Variants in FRY observed in about 807,000 individuals in gnomAD.
FRY encodes protein furry homolog.
FRY carries 128 observed loss-of-function variants against 348.4 expected under a neutral mutation model. That is an observed-to-expected ratio of 0.37 (90% confidence interval 0.32 to 0.43). The LOEUF is 0.43. FRY is among the 20% of genes least tolerant of loss of function. The pLI, the probability that FRY is intolerant of heterozygous loss-of-function variation, is 1.00. For synonymous variants in FRY, 1,370 were observed against 1,374.7 expected (o/e 1.00, Z 0.08); for missense variants, 2,736 against 3,695.2 (o/e 0.74, Z 6.73).
chr13:32,072,107 T>G (rs1874697618), intron 1 of FRY, among the ~76,000 whole-genome samples: 1 of 152,166 alleles, frequency 6.6e-6, no homozygotes, highest in Admixed American at 6.5e-5. Context: ...TTAAAGATAC[T>G]AATTCGTCTG....
intron 33 of FRY, among the ~76,000 whole-genome samples, chr13:32,210,457 A>G (rs798994): frequency 0.41 from 61,859 of 152,044 alleles, 12,783 homozygotes; most frequent in Admixed American, 0.43. Context: ...GCTAAAACTC[A>G]TTTGTTTCTT....
At chr13:32,216,270 C>A (rs1293187774) in intron 35 of FRY, among the ~76,000 whole-genome samples, 1 of 152,114 alleles carries the variant, frequency 6.6e-6, no homozygotes, top group Non-Finnish European at 1.5e-5. Flanking sequence ...CCCAGAAAAG[C>A]AAAGGAAAAT....
intron 41 of FRY, among the ~76,000 whole-genome samples, 156 bp downstream of exon 41, chr13:32,231,456 G>A (rs772718880): frequency 6.6e-6 from 1 of 152,188 alleles, no homozygotes; most frequent in Non-Finnish European, 1.5e-5. Context: ...TTCAGATGCT[G>A]CCTAACTGCA....
intron 11 of FRY, among the ~76,000 whole-genome samples, chr13:32,140,182 T>G (rs559733053): frequency 6.6e-6 from 1 of 152,244 alleles, no homozygotes; most frequent in South Asian, 2.1e-4. Flanking sequence ...TGGAGATACA[T>G]TATGAGCAGG....
chr13:32,200,600 A>G (rs1376786688), intron 29 of FRY, among the ~76,000 whole-genome samples: 2 of 152,196 alleles, frequency 1.3e-5, no homozygotes, highest in Middle Eastern at 3.2e-3. Context: ...TAAAAAAGAG[A>G]GAGAAGAAAA....
At chr13:32,109,923 G>A (rs1045839730) in intron 3 of FRY, among the ~76,000 whole-genome samples, 1 of 152,166 alleles carries the variant, frequency 6.6e-6, no homozygotes, top group Non-Finnish European at 1.5e-5. Flanking sequence ...CTAGAAAAAG[G>A]GTAGTTTGGA....
chr13:32,246,433 A>AGG lies in FRY; in HGVS notation c.6829-887_6829-886dup, dbSNP rs150328971. ...GTAGGAATTTGACATGCCAATAAGG[A>AGG]GGGGAAATGTATTCAAGGATGAGGG... On this transcript the variant is annotated intron_variant, in intron 47 of 60. Coordinates refer to ENST00000542859, the MANE Select transcript of FRY (RefSeq NM_023037.3). Among the ~76,000 whole-genome samples the AGG allele has an allele frequency of 4.0e-3, 616 of 152,322 alleles. 3 individuals are homozygous for AGG. The highest frequency in any genetic ancestry group is 0.014 in the African/African-American group (579 of 41,558).
At chr13:32,051,631 C>T (rs187772953) in intron 1 of FRY, among the ~76,000 whole-genome samples, 3 of 152,182 alleles carry the variant, frequency 2.0e-5, no homozygotes, top group Non-Finnish European at 2.9e-5. Context: ...CAGGAAATCA[C>T]AATTTTTCAA....
chr13:32,049,156 AT>A (rs1477688217), intron 1 of FRY, among the ~76,000 whole-genome samples: 1 of 152,210 alleles, frequency 6.6e-6, no homozygotes, highest in Admixed American at 6.5e-5. Context: ...GTGATTCATC[AT>A]TTTAAGAGGG....
chr13:32,120,862 A>G (rs1707621916), intron 4 of FRY, among the ~76,000 whole-genome samples: 1 of 152,206 alleles, frequency 6.6e-6, no homozygotes, highest in Admixed American at 6.5e-5. Context: ...GGGTTTCACT[A>G]TGTTGGCCAA....
At chr13:32,063,140 C>A (rs1489671859) in intron 1 of FRY, among the ~76,000 whole-genome samples, 2 of 152,122 alleles carry the variant, frequency 1.3e-5, no homozygotes. Flanking sequence ...ACAGCTATAA[C>A]TTTAATTTGC....
chr13:32,206,205 A>G (rs1032331331), intron 31 of FRY, among the ~76,000 whole-genome samples: 1 of 152,114 alleles, frequency 6.6e-6, no homozygotes, highest in East Asian at 1.9e-4. Flanking sequence ...GAGAGCACAG[A>G]GTGGAAGAAA....
intron 58 of FRY, among the ~76,000 whole-genome samples, chr13:32,286,435 G>C (rs187450919): frequency 5.9e-5 from 9 of 152,188 alleles, no homozygotes; most frequent in Non-Finnish European, 1.0e-4. Flanking sequence ...CCAATTCTAT[G>C]ATATGGTGAC....
At chr13:32,074,968 A>G (rs952402416) in intron 1 of FRY, among the ~76,000 whole-genome samples, 1 of 152,204 alleles carries the variant, frequency 6.6e-6, no homozygotes, top group Admixed American at 6.5e-5. Flanking sequence ...AGGACTGGGT[A>G]AAAAGCAAGG....
intron 1 of FRY, among the ~76,000 whole-genome samples, chr13:32,069,578 A>G (rs1874488748): frequency 1.3e-5 from 2 of 152,222 alleles, no homozygotes; most frequent in Non-Finnish European, 2.9e-5. Context: ...AAACTGTGGT[A>G]TATACATACA....
Position 32,278,632 on chromosome 13 carries a change from G to A in FRY, c.8469+84G>A, listed in dbSNP as rs73169153. The stretch of plus-strand genomic sequence containing the variant: ...GGTCTACCCAAGAAGCCTGGAACTT[G>A]AGAAAAGAAGAGGCGGAATGAGTCA... On this transcript the variant is annotated intron_variant, in intron 58 of 60. Coordinates refer to ENST00000542859, the MANE Select transcript of FRY (RefSeq NM_023037.3). The A allele has an allele frequency of 4.3e-3, 3,507 of 808,162 alleles. 23 individuals are homozygous for A. Among genetic ancestry groups the A allele is most frequent in the Non-Finnish European group, 5.2e-3 (2,311 of 446,374 alleles). 50.1% of individuals were successfully genotyped at this position (808,162 alleles called of 1,614,324 possible). A position where few individuals can be genotyped will look rare whatever the true frequency, so the allele number is the denominator to read the frequency against.
At chr13:32,155,210 A>G (rs746432550) in intron 14 of FRY, among the ~76,000 whole-genome samples, 7 of 152,200 alleles carry the variant, frequency 4.6e-5, no homozygotes, top group Non-Finnish European at 7.3e-5. Flanking sequence ...TTTTAGAGAT[A>G]CACTCAGCAT....
chr13:32,070,793 A>G (rs1874601716), intron 1 of FRY, among the ~76,000 whole-genome samples: 1 of 152,146 alleles, frequency 6.6e-6, no homozygotes, highest in South Asian at 2.1e-4. Flanking sequence ...GCCCATGCCT[A>G]TGTCCTGAAT....
intron 59 of FRY, 57 bp downstream of exon 59, chr13:32,289,800 C>A: frequency 1.1e-6 from 1 of 884,356 alleles, no homozygotes; most frequent in Non-Finnish European, 1.9e-6. Context: ...TTCTTTTGTT[C>A]TTCCTCACTC....
Sources: allele counts gnomAD v4.1 joint callset (sites outside exome capture counted in the v4.1 genomes callset), GRCh38; gene constraint gnomAD v4.1.1; transcripts MANE v1.5; gene names NCBI Gene and HGNC (gene_info 2026-07-23, HGNC 2026-07-21).